The following RORB variants were observed in gnomAD, a reference collection of about 807,000 sequenced individuals.
The protein encoded by RORB is RAR related orphan receptor B.
RORB carries 6 observed loss-of-function variants against 59.1 expected under a neutral mutation model. The observed-to-expected ratio is 0.10, with a 90% CI of 0.06 to 0.20. The LOEUF (loss-of-function observed/expected upper bound fraction) is 0.20, where lower values mean the gene tolerates loss of function less well. Among genes scored for constraint, RORB ranks in the 10% least tolerant of loss-of-function variants. The pLI, the probability that RORB is intolerant of heterozygous loss-of-function variation, is 1.00. For missense variants in RORB, 320 were observed against 560.5 expected (o/e 0.57, Z 4.33); for synonymous variants, 215 against 204.5 (o/e 1.05, Z -0.44).
chr9:74,598,404 A>G (rs1207236798), intron 1 of RORB, among the ~76,000 whole-genome samples: 2 of 152,238 alleles, frequency 1.3e-5, no homozygotes, highest in Non-Finnish European at 2.9e-5. Flanking sequence ...AAGAGCAATC[A>G]TAATTGAATC....
chr9:74,668,930 G>A (rs2118536764), intron 8 of RORB, among the ~76,000 whole-genome samples: 1 of 152,312 alleles, frequency 6.6e-6, no homozygotes, highest in South Asian at 2.1e-4. Flanking sequence ...AGACTGCCCA[G>A]TAGAAGAGGA....
intron 4 of RORB, among the ~76,000 whole-genome samples, chr9:74,656,688 A>G (rs1824087973): frequency 6.6e-6 from 1 of 152,190 alleles, no homozygotes; most frequent in Admixed American, 6.5e-5. Flanking sequence ...GTGAGCTGCA[A>G]TCATGCCACT....
At chr9:74,611,095 T>C (rs538820465) in intron 1 of RORB, among the ~76,000 whole-genome samples, 5 of 152,276 alleles carry the variant, frequency 3.3e-5, no homozygotes, top group African/African-American at 9.6e-5. Context: ...TGTCTTCTGA[T>C]ACTAGGGACG....
chr9:74,630,190 A>G, intron 1 of RORB, 92 bp from the exon 2 acceptor site: 1 of 1,508,594 alleles, frequency 6.6e-7, no homozygotes, highest in Non-Finnish European at 8.9e-7. Flanking sequence ...AAATACAAAC[A>G]TCAAGGCAGA....
At chr9:74,626,467 T>C (rs1355487284) in intron 1 of RORB, among the ~76,000 whole-genome samples, 7 of 152,130 alleles carry the variant, frequency 4.6e-5, no homozygotes. Context: ...ATAAGTGAAA[T>C]GAATATCTAA....
chr9:74,661,038 T>A (rs182228642), intron 5 of RORB, among the ~76,000 whole-genome samples: 21 of 152,212 alleles, frequency 1.4e-4, no homozygotes, highest in African/African-American at 4.6e-4. Context: ...CTTCATCAAA[T>A]GATTTTAGGA....
intron 1 of RORB, among the ~76,000 whole-genome samples, chr9:74,572,680 T>G (rs1822570558): frequency 6.6e-6 from 1 of 152,172 alleles, no homozygotes; most frequent in Non-Finnish European, 1.5e-5. Context: ...TGGAATATTT[T>G]TTCTTTCTAC....
intron 8 of RORB, among the ~76,000 whole-genome samples, chr9:74,671,325 G>A (rs758443992): frequency 6.6e-6 from 1 of 152,260 alleles, no homozygotes; most frequent in East Asian, 1.9e-4. Context: ...TTATGTTTAT[G>A]CTATATAAAT....
chr9:74,525,617 A>C (rs917343603), intron 1 of RORB, among the ~76,000 whole-genome samples: 1 of 151,948 alleles, frequency 6.6e-6, no homozygotes, highest in East Asian at 1.9e-4. Flanking sequence ...TTTTCACTCT[A>C]TGAACAGCAA....
At chr9:74,667,089 C>T (rs1824280298) in intron 7 of RORB, among the ~76,000 whole-genome samples, 1 of 152,176 alleles carries the variant, frequency 6.6e-6, no homozygotes, top group Non-Finnish European at 1.5e-5. Flanking sequence ...GGAGGAAAAG[C>T]CTTGGCAAGC....
chr9:74,534,832 T>C (rs1487844237), intron 1 of RORB, among the ~76,000 whole-genome samples: 1 of 152,074 alleles, frequency 6.6e-6, no homozygotes, highest in Non-Finnish European at 1.5e-5. Context: ...GTCAGGACAT[T>C]ACTTCGTCTT....
At chr9:74,583,222 A>G (rs1157357216) in intron 1 of RORB, among the ~76,000 whole-genome samples, 1 of 152,116 alleles carries the variant, frequency 6.6e-6, no homozygotes, top group Non-Finnish European at 1.5e-5. Flanking sequence ...CTATTGCCTC[A>G]GTAGATGGTT....
chr9:74,559,678 G>A (rs1822364812), intron 1 of RORB, among the ~76,000 whole-genome samples: 1 of 152,228 alleles, frequency 6.6e-6, no homozygotes, highest in East Asian at 1.9e-4. Context: ...ACTCAGGCTA[G>A]ACAGGATAAT....
In RORB at chr9:74,607,252, T is replaced by C. The variant is rs532911318; in HGVS notation, c.8-23030T>C. On this transcript the variant is annotated intron_variant, in intron 1 of 9. Transcript: ENST00000376896. ...TAAGATCCCTTGGGGAAGATTCTTA[T>C]GTTATCAATTTCTTTGTCTATTTTT... Among the ~76,000 whole-genome samples, 18 of 152,348 alleles carry C rather than the reference T, an allele frequency of 1.2e-4. No homozygotes were observed. The South Asian group carries it at 1.7e-3, about 14-fold the overall frequency.
chr9:74,669,788 A>G (rs1055378575), intron 8 of RORB, among the ~76,000 whole-genome samples: 1 of 152,164 alleles, frequency 6.6e-6, no homozygotes, highest in Non-Finnish European at 1.5e-5. Flanking sequence ...ATATTTTTCA[A>G]TGAAACTGGA....
chr9:74,580,863 G>T (rs1822712411), intron 1 of RORB, among the ~76,000 whole-genome samples: 1 of 152,096 alleles, frequency 6.6e-6, no homozygotes, highest in Non-Finnish European at 1.5e-5. Flanking sequence ...AAAGTAGTAA[G>T]ACAAAAATTT....
chr9:74,556,459 A>G (rs1383881059), intron 1 of RORB, among the ~76,000 whole-genome samples: 3 of 152,194 alleles, frequency 2.0e-5, no homozygotes, highest in African/African-American at 2.4e-5. Flanking sequence ...AGCTGGAGTT[A>G]TGCAGCCAAA....
chr9:74,572,676 A>ATTT lies in RORB; in HGVS notation c.8-57602_8-57600dup, dbSNP rs540287873. Among the ~76,000 whole-genome samples the ATTT allele has an allele frequency of 3.6e-4, 54 of 152,106 alleles. No individual in the cohort carries two copies. In the East Asian group the frequency reaches 9.5e-3, roughly 27 times the overall value. On this transcript the variant is annotated intron_variant, in intron 1 of 9. Transcript: ENST00000376896. ...ACCGGTAAGGAGAACCCCTTGGAAT[A>ATTT]TTTTTTCTTTCTACACTTGGGGCCA...
rs1419126962 is a variant in RORB at position 74,692,605 on chromosome 9, C to G, written c.*6987C>G. The G allele has an allele frequency of 6.6e-6, 1 of 152,090 alleles. No homozygotes were observed. The highest frequency in any genetic ancestry group is 2.4e-5 in the African/African-American group (1 of 41,408). The allele number at this position is 152,090 out of a possible 1,614,324, so 9.4% of individuals were successfully genotyped here. A position where few individuals can be genotyped will look rare whatever the true frequency, so the allele number is the denominator to read the frequency against. On this transcript the variant is annotated 3_prime_UTR_variant, in exon 10 of 10. Transcript: ENST00000376896. ...AGTTTGCATCTCATTAGCATGCACA[C>G]CACTGTTGGCAATGCATAAAAGTTG...
Sources: allele counts gnomAD v4.1 joint callset (sites outside exome capture counted in the v4.1 genomes callset), GRCh38; gene constraint gnomAD v4.1.1; transcripts MANE v1.5; gene names NCBI Gene and HGNC (gene_info 2026-07-23, HGNC 2026-07-21).